The following LRIG3 variants were observed in gnomAD, a reference collection of about 807,000 sequenced individuals.
The protein encoded by LRIG3 is leucine-rich repeats and immunoglobulin-like domains protein 3.
In LRIG3, 76 loss-of-function variants were observed where a neutral mutation model predicts 114.5. The observed-to-expected ratio is 0.66, with a 90% CI of 0.55 to 0.80. LRIG3 has a LOEUF of 0.80. LRIG3 is among the 30% of genes least tolerant of loss of function. The probability of loss-of-function intolerance (pLI) is 0.00; values close to 1 mark genes in which losing one functional copy is unlikely to be tolerated. For synonymous variants in LRIG3, 512 were observed against 519.8 expected (o/e 0.98, Z 0.20); for missense variants, 1,239 against 1,382.8 (o/e 0.90, Z 1.65).
chr12:58,919,028 G>T (rs539264051), intron 1 of LRIG3, among the ~76,000 whole-genome samples: 8 of 152,272 alleles, frequency 5.3e-5, no homozygotes, highest in African/African-American at 1.7e-4. Context: ...TTGCAATTCT[G>T]CTAAGTCAAA....
rs746553961 is a variant in LRIG3, at chr12:58,888,371, A to C, written c.905T>G (p.Ile302Ser). The change falls in exon 7 of 19, where the codon ATC (isoleucine) becomes AGC (serine). Residue 302 changes from isoleucine (I) to serine (S), a missense_variant. Transcript: ENST00000320743. Reference protein sequence around the residue: ...LHLSQNAINRISPDAWEFCQK... With the variant: ...LHLSQNAINRSSPDAWEFCQK... Reference sequence around the variant, plus strand: ...GCAGAACTCCCAGGCATCAGGGCTGATCCTGTTGATGGCATTTTGGCTGAG... The same window carrying C: ...GCAGAACTCCCAGGCATCAGGGCTGCTCCTGTTGATGGCATTTTGGCTGAG... 40 of 1,613,728 alleles carry C rather than the reference A, an allele frequency of 2.5e-5. No homozygotes were observed. The highest frequency in any genetic ancestry group is 3.4e-5 in the Non-Finnish European group (40 of 1,179,830).
chr12:58,920,294 C>A lies in LRIG3; in HGVS notation c.-59G>T. Reference sequence around the variant, plus strand: ...TCCCAGCCGGCGCGCGCTCGGGGCCCGGCACAAACTTCCAGCCGAGGGTGC... The same window carrying A: ...TCCCAGCCGGCGCGCGCTCGGGGCCAGGCACAAACTTCCAGCCGAGGGTGC... On this transcript the variant is annotated 5_prime_UTR_variant, in exon 1 of 19. Coordinates refer to ENST00000320743, the MANE Select transcript of LRIG3 (RefSeq NM_153377.5). The A allele has an allele frequency of 8.0e-7, 1 of 1,256,730 alleles. No individual in the cohort carries two copies. Among genetic ancestry groups the A allele is most frequent in the South Asian group, 2.3e-5 (1 of 42,606 alleles). The allele number at this position is 1,256,730 out of a possible 1,614,324, so 77.8% of individuals were successfully genotyped here.
intron 3 of LRIG3, among the ~76,000 whole-genome samples, chr12:58,910,101 A>T (rs2120975879): frequency 6.6e-6 from 1 of 152,356 alleles, no homozygotes; most frequent in Admixed American, 6.5e-5. Context: ...GGAAGATGAC[A>T]GGCTATAAAG....
chr12:58,911,495 C>T (rs1872272871), intron 3 of LRIG3, among the ~76,000 whole-genome samples: 1 of 152,144 alleles, frequency 6.6e-6, no homozygotes, highest in African/African-American at 2.4e-5. Context: ...GTGCAAATAA[C>T]TCATAAAAAT....
chr12:58,906,899 C>G (rs1468713439), intron 3 of LRIG3, among the ~76,000 whole-genome samples: 1 of 150,624 alleles, frequency 6.6e-6, no homozygotes. Flanking sequence ...CTATCAAACA[C>G]AAGGAGAAAA....
In LRIG3 at chr12:58,906,630, T is replaced by C. The variant is rs370556924; in HGVS notation, c.383+7352A>G. 1.1e-4 allele frequency among the ~76,000 whole-genome samples: 17 copies of C among 152,254 alleles called. No homozygotes were observed. The East Asian group carries it at 2.7e-3, about 24-fold the overall frequency. ...TTGCAGATCTGATTTGTGATCACTATGGCCAACTCTACCCTATTCATCATT... is the reference window on the plus strand; with the variant it reads ...TTGCAGATCTGATTTGTGATCACTACGGCCAACTCTACCCTATTCATCATT... On this transcript the variant is annotated intron_variant, in intron 3 of 18. Transcript: ENST00000320743.
Position 58,883,594 on chromosome 12 carries a change from G to A in LRIG3, c.1245-3C>T, listed in dbSNP as rs1204980993. 1.3e-6 allele frequency: 2 copies of A among 1,538,510 alleles called. No individual in the cohort carries two copies. Among genetic ancestry groups the A allele is most frequent in the Admixed American group, 1.7e-5 (1 of 58,490 alleles). ...TGATTGCGTTGTCACTCAGGTCTCT[G>A]AAAAATCACCAAATCAAATGCATCA... On this transcript the variant is annotated splice_polypyrimidine_tract_variant and splice_region_variant and intron_variant, in intron 10 of 18. Transcript: ENST00000320743.
chr12:58,876,359 T>C lies in LRIG3; in HGVS notation c.2695+86A>G, dbSNP rs1287617064. On this transcript the variant is annotated intron_variant, in intron 16 of 18. Coordinates refer to ENST00000320743, the MANE Select transcript of LRIG3 (RefSeq NM_153377.5). ...AGGTCCTAAATGTCAGTGTTATCAA[T>C]GTCTTGTGAAAATGAATATCATATC... 5 of 1,434,088 alleles carry C rather than the reference T, an allele frequency of 3.5e-6. No individual in the cohort carries two copies. The African/African-American group carries it at 7.1e-5, about 20-fold the overall frequency. 88.8% of individuals were successfully genotyped at this position (1,434,088 alleles called of 1,614,324 possible). A position where few individuals can be genotyped will look rare whatever the true frequency, so the allele number is the denominator to read the frequency against.
intron 8 of LRIG3, 82 bp downstream of exon 8, chr12:58,887,706 AC>A: frequency 6.9e-7 from 1 of 1,458,536 alleles, no homozygotes; most frequent in East Asian, 2.3e-5. Context: ...TTCCTTGACA[AC>A]AAAGGAAATC....
chr12:58,884,599 G>A (rs554958006), intron 10 of LRIG3, among the ~76,000 whole-genome samples: 3 of 152,040 alleles, frequency 2.0e-5, no homozygotes, highest in Non-Finnish European at 4.4e-5. Context: ...CTGCAATGTT[G>A]GTCTGCCCTT....
chr12:58,887,518 T>G (rs977803221), intron 8 of LRIG3, among the ~76,000 whole-genome samples: 14 of 152,194 alleles, frequency 9.2e-5, no homozygotes, highest in Admixed American at 2.6e-4. Context: ...TAAAATTGTT[T>G]CCCTCTTAAG....
chr12:58,919,606 T>C (rs980861161), intron 1 of LRIG3: 2 of 1,511,664 alleles, frequency 1.3e-6, no homozygotes, highest in Non-Finnish European at 1.8e-6. Context: ...ACCAGACTCA[T>C]AACTCAGCGA....
At chr12:58,919,719 T>A (rs1040784778) in intron 1 of LRIG3, among the ~76,000 whole-genome samples, 1 of 152,100 alleles carries the variant, frequency 6.6e-6, no homozygotes, top group Non-Finnish European at 1.5e-5. Flanking sequence ...CAGGACTTCA[T>A]CCCCAATCTC....
intron 12 of LRIG3, 70 bp downstream of exon 12, chr12:58,882,799 C>T: frequency 1.4e-6 from 2 of 1,470,990 alleles, no homozygotes; most frequent in African/African-American, 1.4e-5. Context: ...TATTCAAAAC[C>T]ATTATTTGGA....
chr12:58,899,711 T>C lies in LRIG3; in HGVS notation c.384-8915A>G, dbSNP rs943281004. ...TCATTGTTAGAAACGTCTTCAAAAG[T>C]CTGATGATCACTGGCTACTCATTCA... On this transcript the variant is annotated intron_variant, in intron 3 of 18. Coordinates refer to ENST00000320743, the MANE Select transcript of LRIG3 (RefSeq NM_153377.5). Among the ~76,000 whole-genome samples the C allele has an allele frequency of 1.6e-4, 24 of 152,340 alleles. 1 individual carries two copies. The highest frequency in any genetic ancestry group is 5.8e-4 in the African/African-American group (24 of 41,568).
In LRIG3 at chr12:58,887,947, G is replaced by C. The variant is rs1308218859; in HGVS notation, c.948-15C>G. On this transcript the variant is annotated splice_polypyrimidine_tract_variant and intron_variant, in intron 7 of 18. Transcript: ENST00000320743. ...AAGTTAGGTCCCTGTAAAGAAAAAA[G>C]AGAAAAGCAATAGCTTTTATTTTTC... is the stretch of plus-strand genomic sequence containing the variant. 2 of 1,604,124 alleles carry C rather than the reference G, an allele frequency of 1.2e-6. No individual in the cohort carries two copies. Among genetic ancestry groups the C allele is most frequent in the African/African-American group, 1.3e-5 (1 of 74,284 alleles).
intron 3 of LRIG3, among the ~76,000 whole-genome samples, chr12:58,894,366 A>G (rs1046176979): frequency 2.0e-5 from 3 of 152,226 alleles, no homozygotes; most frequent in African/African-American, 7.2e-5. Context: ...CTCGTTTCTT[A>G]TTAGCTCTCA....
intron 3 of LRIG3, among the ~76,000 whole-genome samples, chr12:58,911,591 A>C (rs1714100764): frequency 6.6e-6 from 1 of 152,232 alleles, no homozygotes; most frequent in Non-Finnish European, 1.5e-5. Flanking sequence ...TCTAAAAACT[A>C]CTTTGAAAGA....
chr12:58,911,607 G>C (rs1425963100), intron 3 of LRIG3, among the ~76,000 whole-genome samples: 1 of 152,126 alleles, frequency 6.6e-6, no homozygotes, highest in Non-Finnish European at 1.5e-5. Context: ...AAAGATATGA[G>C]ATTTAATTGT....
Sources: gnomAD v4.1 joint callset for allele counts (sites outside exome capture counted in the v4.1 genomes callset) on GRCh38, gnomAD v4.1.1 for gene constraint, MANE v1.5 for transcripts, NCBI Gene and HGNC (gene_info 2026-07-23, HGNC 2026-07-21) for gene names.